PIBF1: variants seen among roughly 807,000 people sequenced by gnomAD.
The protein encoded by PIBF1 is progesterone immunomodulatory binding factor 1, also known as progesterone-induced-blocking factor 1.
PIBF1 carries 90 observed loss-of-function variants against 112.5 expected under a neutral mutation model. That is an observed-to-expected ratio of 0.80 (90% CI 0.67 to 0.95). PIBF1 has a LOEUF of 0.95. Ranked by LOEUF, PIBF1 falls within the 40% of genes least tolerant of loss-of-function variation. PIBF1 has a pLI of 0.00. For synonymous variants in PIBF1, 301 were observed against 288.6 expected (o/e 1.04, Z -0.44); for missense variants, 915 against 852.3 (o/e 1.07, Z -0.92).
chr13:72,995,310 A>AG (rs1468605813), intron 16 of PIBF1, among the ~76,000 whole-genome samples: 2 of 152,026 alleles, frequency 1.3e-5, no homozygotes, highest in East Asian at 3.9e-4. Context: ...CAAAAAAAAA[A>AG]AAAAAAAGTT....
At chr13:72,999,033 C>T (rs749561123) in intron 17 of PIBF1, 38 bp downstream of exon 17, 3 of 1,275,246 alleles carry the variant, frequency 2.4e-6, no homozygotes, top group African/African-American at 1.5e-5. Flanking sequence ...TTTAATATTC[C>T]TGATTCTTAC....
At chr13:72,920,818 A>G (rs1456775455) in intron 13 of PIBF1, among the ~76,000 whole-genome samples, 1 of 152,166 alleles carries the variant, frequency 6.6e-6, no homozygotes, top group African/African-American at 2.4e-5. Context: ...GAAAAGAAAA[A>G]AAAAATCAGT....
chr13:72,922,389 G>A (rs1048572157), intron 13 of PIBF1, among the ~76,000 whole-genome samples: 3 of 152,110 alleles, frequency 2.0e-5, no homozygotes, highest in African/African-American at 7.2e-5. Flanking sequence ...AAAATCTGAA[G>A]TAATGTTTTC....
intron 14 of PIBF1, among the ~76,000 whole-genome samples, chr13:72,943,865 T>C (rs2042077687): frequency 6.6e-6 from 1 of 152,206 alleles, no homozygotes; most frequent in South Asian, 2.1e-4. Flanking sequence ...AAGTTATCTT[T>C]TTGTAAGCCT....
intron 9 of PIBF1, among the ~76,000 whole-genome samples, chr13:72,853,062 A>C (rs1038138169): frequency 1.3e-5 from 2 of 151,910 alleles, no homozygotes; most frequent in African/African-American, 2.4e-5. Flanking sequence ...GGAGATTTAA[A>C]AAAAAAAATA....
chr13:72,977,021 C>G (rs2043039672), intron 16 of PIBF1, among the ~76,000 whole-genome samples: 1 of 152,160 alleles, frequency 6.6e-6, no homozygotes, highest in Non-Finnish European at 1.5e-5. Context: ...TAGCTTGTCT[C>G]ACCCTGGTCA....
chr13:72,857,035 C>G lies in PIBF1; in HGVS notation c.1322+2880C>G, dbSNP rs373774023. ...TATTTTTCATGAAAATGTCAGTTTC[C>G]TTAAGTTAAACTATGCATTTAATGT... On this transcript the variant is annotated intron_variant, in intron 10 of 17. Transcript: ENST00000326291. Among the ~76,000 whole-genome samples the G allele has an allele frequency of 6.6e-5, 10 of 152,020 alleles. No individual in the cohort carries two copies. In the East Asian group the frequency reaches 1.5e-3, roughly 23 times the overall value.
intron 15 of PIBF1, chr13:72,970,837 C>T (rs1434783406): frequency 1.3e-5 from 2 of 152,106 alleles, no homozygotes; most frequent in Admixed American, 1.3e-4. Context: ...TAAAGGTTGT[C>T]TCCCTGTGGT....
intron 14 of PIBF1, among the ~76,000 whole-genome samples, chr13:72,934,948 G>GGTTAGTTA (rs151324539): frequency 2.0e-5 from 3 of 151,598 alleles, no homozygotes; most frequent in Admixed American, 6.6e-5. Context: ...AGTTACTGTA[G>GGTTAGTTA]GTTAGTTAGT....
chr13:72,920,743 C>T (rs1268103061), intron 13 of PIBF1, among the ~76,000 whole-genome samples: 1 of 151,788 alleles, frequency 6.6e-6, no homozygotes, highest in African/African-American at 2.4e-5. Flanking sequence ...ACTATAATTG[C>T]ACCTGTGACT....
intron 10 of PIBF1, among the ~76,000 whole-genome samples, chr13:72,857,114 T>A (rs1430814532): frequency 6.6e-6 from 1 of 152,164 alleles, no homozygotes; most frequent in Non-Finnish European, 1.5e-5. Context: ...ATAAGTTCTG[T>A]GGCTTATATG....
chr13:72,787,761 C>G lies in PIBF1; in HGVS notation c.252+4040C>G, dbSNP rs532357430. Among the ~76,000 whole-genome samples the G allele has an allele frequency of 7.9e-5, 12 of 152,244 alleles. 1 individual carries two copies. In the South Asian group the frequency reaches 2.3e-3, roughly 29 times the overall value. ...ACAACCTTCACTTCCTGTGTTCAAG[C>G]GATTCTTGTGCCTCAGCCTCCCGAG... On this transcript the variant is annotated intron_variant, in intron 2 of 17. Coordinates refer to ENST00000326291, the MANE Select transcript of PIBF1 (RefSeq NM_006346.4).
chr13:72,810,741 A>G (rs1385007139), intron 5 of PIBF1, among the ~76,000 whole-genome samples: 1 of 152,228 alleles, frequency 6.6e-6, no homozygotes. Context: ...ATTAGTAAAC[A>G]GTGATAGATT....
At chr13:72,927,946 T>TGTATATATATATGTATATAC (rs1566457521) in intron 13 of PIBF1, among the ~76,000 whole-genome samples, 1 of 56,674 alleles carries the variant, frequency 1.8e-5, no homozygotes, top group African/African-American at 1.2e-4. Context: ...TATATGTGTG[T>TGTATATATATATGTATATAC]ATATATATAT....
chr13:72,787,109 A>G (rs2034640154), intron 2 of PIBF1, among the ~76,000 whole-genome samples: 1 of 152,180 alleles, frequency 6.6e-6, no homozygotes, highest in Non-Finnish European at 1.5e-5. Flanking sequence ...GTATGTGTGT[A>G]TATATATGTT....
At chr13:72,900,993 C>T in intron 11 of PIBF1, 2 of 395,968 alleles carry the variant, frequency 5.1e-6, no homozygotes, top group East Asian at 8.2e-5. Context: ...TTCCGCTGCA[C>T]CCTGGGCAAC....
chr13:72,979,720 G>A (rs746515088), intron 16 of PIBF1, among the ~76,000 whole-genome samples: 8 of 152,100 alleles, frequency 5.3e-5, no homozygotes, highest in East Asian at 1.9e-4. Context: ...TCAGGAGATC[G>A]AGACCATCCT....
chr13:72,790,236 G>A (rs1456584721), intron 2 of PIBF1, among the ~76,000 whole-genome samples: 1 of 152,074 alleles, frequency 6.6e-6, no homozygotes, highest in Non-Finnish European at 1.5e-5. Flanking sequence ...ACTAAGGGCA[G>A]ACAAGACAGA....
intron 11 of PIBF1, among the ~76,000 whole-genome samples, chr13:72,904,942 T>C (rs1356671410): frequency 6.6e-6 from 1 of 152,132 alleles, no homozygotes; most frequent in Non-Finnish European, 1.5e-5. Context: ...CCTTGACTCA[T>C]TTTAATGTTT....
Sources: allele counts gnomAD v4.1 joint callset (sites outside exome capture counted in the v4.1 genomes callset), GRCh38; gene constraint gnomAD v4.1.1; transcripts MANE v1.5; gene names NCBI Gene and HGNC (gene_info 2026-07-23, HGNC 2026-07-21).